Variants in LRRTM4 observed in about 807,000 individuals in gnomAD.
LRRTM4 encodes leucine rich repeat transmembrane neuronal 4, also known as leucine-rich repeat transmembrane neuronal protein 4.
Under a neutral mutation model 47.6 loss-of-function variants are expected in LRRTM4, and 25 were observed. The ratio of observed to expected loss-of-function variants is 0.53; its 90% CI spans 0.38 to 0.73. The LOEUF is 0.73. Among genes scored for constraint, LRRTM4 ranks in the 30% least tolerant of loss-of-function variants. The pLI is 0.00. For synonymous variants in LRRTM4, 311 were observed against 269.5 expected (o/e 1.15, Z -1.51); for missense variants, 638 against 713.4 (o/e 0.89, Z 1.20).
At chr2:77,089,608 T>C (rs1680860993) in intron 3 of LRRTM4, among the ~76,000 whole-genome samples, 4 of 152,030 alleles carry the variant, frequency 2.6e-5, no homozygotes, top group Admixed American at 2.6e-4. Flanking sequence ...TACTCTCTCT[T>C]TTCTCTAGGC....
chr2:77,365,872 T>C (rs1037284964), intron 3 of LRRTM4, among the ~76,000 whole-genome samples: 60 of 149,538 alleles, frequency 4.0e-4, no homozygotes, highest in African/African-American at 1.4e-3. Flanking sequence ...TTTTAGAATG[T>C]TGGGATTGTG....
intron 3 of LRRTM4, among the ~76,000 whole-genome samples, chr2:77,207,349 GTATATATATATA>G (rs1553409290): frequency 8.3e-6 from 1 of 120,840 alleles, no homozygotes; most frequent in Admixed American, 8.3e-5. Flanking sequence ...TCATATATGT[GTATATATATATA>G]TATATATATA....
intron 3 of LRRTM4, among the ~76,000 whole-genome samples, chr2:76,901,764 A>G (rs577064123): frequency 7.2e-5 from 11 of 152,212 alleles, no homozygotes; most frequent in African/African-American, 2.6e-4. Context: ...GGGGGTTCCG[A>G]GGTCACCAAA....
chr2:76,859,012 T>C (rs1437709789), intron 3 of LRRTM4, among the ~76,000 whole-genome samples: 4 of 152,216 alleles, frequency 2.6e-5, no homozygotes, highest in Admixed American at 6.5e-5. Context: ...AAGGCTACAC[T>C]GTGGGGCTTC....
At chr2:77,143,359 T>G (rs906240087) in intron 3 of LRRTM4, among the ~76,000 whole-genome samples, 6 of 152,182 alleles carry the variant, frequency 3.9e-5, no homozygotes, top group Non-Finnish European at 7.4e-5. Flanking sequence ...TTAAGATAAT[T>G]TCATCTTAAT....
intron 3 of LRRTM4, among the ~76,000 whole-genome samples, chr2:77,457,990 C>A (rs1018835980): frequency 3.9e-5 from 6 of 152,080 alleles, no homozygotes; most frequent in African/African-American, 1.4e-4. Context: ...AGCAGGGACC[C>A]CAAATTGGAT....
At chr2:77,411,063 T>C (rs1199742849) in intron 3 of LRRTM4, among the ~76,000 whole-genome samples, 1 of 152,196 alleles carries the variant, frequency 6.6e-6, no homozygotes, top group African/African-American at 2.4e-5. Flanking sequence ...AGGCATAATC[T>C]GTTAGCATTA....
chr2:77,325,550 G>C (rs77631109), intron 3 of LRRTM4, among the ~76,000 whole-genome samples: 8,229 of 152,186 alleles, frequency 0.054, 311 homozygotes, highest in African/African-American at 0.099. Flanking sequence ...TGAGAGAACG[G>C]TCAAGACTCC....
At chr2:76,870,992 A>C (rs1004461145) in intron 3 of LRRTM4, among the ~76,000 whole-genome samples, 4 of 152,188 alleles carry the variant, frequency 2.6e-5, no homozygotes, top group Non-Finnish European at 5.9e-5. Flanking sequence ...ACTACTCCTG[A>C]CTATGCTTAC....
At chr2:77,290,749 C>A (rs1676801225) in intron 3 of LRRTM4, among the ~76,000 whole-genome samples, 1 of 152,044 alleles carries the variant, frequency 6.6e-6, no homozygotes, top group South Asian at 2.1e-4. Context: ...AATTCCTTCA[C>A]AACAGAGCCA....
chr2:76,789,310 T>C (rs1406007833), intron 3 of LRRTM4, among the ~76,000 whole-genome samples: 1 of 152,170 alleles, frequency 6.6e-6, no homozygotes, highest in Non-Finnish European at 1.5e-5. Flanking sequence ...ATATTTACCT[T>C]CAGAATTCTC....
intron 3 of LRRTM4, among the ~76,000 whole-genome samples, chr2:77,444,622 G>GA (rs927284601): frequency 1.3e-5 from 2 of 151,380 alleles, no homozygotes; most frequent in African/African-American, 4.9e-5. Context: ...TAACTTGGGG[G>GA]AAAAAACACC....
At chr2:77,017,178 G>A (rs143350398) in intron 3 of LRRTM4, among the ~76,000 whole-genome samples, 78 of 152,264 alleles carry the variant, frequency 5.1e-4, no homozygotes, top group African/African-American at 1.8e-3. Flanking sequence ...CACGGCCACA[G>A]AGATAAAGTG....
intron 3 of LRRTM4, among the ~76,000 whole-genome samples, chr2:77,198,230 T>C (rs1291396829): frequency 6.6e-6 from 1 of 152,204 alleles, no homozygotes; most frequent in Non-Finnish European, 1.5e-5. Context: ...CTCTGAAGAA[T>C]CCTGCAAATG....
At chr2:76,933,410 TA>T (rs1034103459) in intron 3 of LRRTM4, among the ~76,000 whole-genome samples, 4 of 151,804 alleles carry the variant, frequency 2.6e-5, no homozygotes, top group African/African-American at 7.2e-5. Context: ...TGCAGAGGTA[TA>T]TTTTTTTTTA....
chr2:77,109,162 T>G (rs1671181174), intron 3 of LRRTM4, among the ~76,000 whole-genome samples: 1 of 152,228 alleles, frequency 6.6e-6, no homozygotes, highest in Non-Finnish European at 1.5e-5. Context: ...TGTTTTGTTT[T>G]GCTCTAGTCA....
At chr2:76,935,399 T>C (rs545713791) in intron 3 of LRRTM4, among the ~76,000 whole-genome samples, 14 of 152,304 alleles carry the variant, frequency 9.2e-5, no homozygotes, top group Middle Eastern at 3.4e-3. Context: ...AAGTCAATGG[T>C]AGCTTGATGG....
At chr2:76,881,468 CTT>C (rs74263980) in intron 3 of LRRTM4, among the ~76,000 whole-genome samples, 7,987 of 136,572 alleles carry the variant, frequency 0.058, 437 homozygotes, top group African/African-American at 0.14. Context: ...TTGCTAAAGA[CTT>C]TTTTTTTTTT....
intron 3 of LRRTM4, among the ~76,000 whole-genome samples, chr2:76,901,614 T>C (rs1673636741): frequency 6.6e-6 from 1 of 152,152 alleles, no homozygotes. Context: ...TTAAAGACTT[T>C]TCTGTTTAAT....
Sources: allele counts gnomAD v4.1 joint callset (sites outside exome capture counted in the v4.1 genomes callset), GRCh38; gene constraint gnomAD v4.1.1; transcripts MANE v1.5; gene names NCBI Gene and HGNC (gene_info 2026-07-23, HGNC 2026-07-21).